RABGAP1L: variants seen among roughly 807,000 people sequenced by gnomAD.
RABGAP1L encodes rab GTPase-activating protein 1-like.
A neutral mutation model predicts 137.7 loss-of-function variants in RABGAP1L; 63 were observed. The ratio of observed to expected loss-of-function variants is 0.46; its 90% CI spans 0.37 to 0.56. The LOEUF is 0.56. RABGAP1L is among the 20% of genes least tolerant of loss of function. The probability of loss-of-function intolerance (pLI) is 0.00; values close to 1 mark genes in which losing one functional copy is unlikely to be tolerated. For synonymous variants in RABGAP1L, 431 were observed against 433.7 expected (o/e 0.99, Z 0.08); for missense variants, 1,095 against 1,244.0 (o/e 0.88, Z 1.80).
At chr1:174,322,303 T>C (rs957385266) in intron 11 of RABGAP1L, among the ~76,000 whole-genome samples, 1 of 152,122 alleles carries the variant, frequency 6.6e-6, no homozygotes, top group Non-Finnish European at 1.5e-5. Flanking sequence ...ACAGAAAACA[T>C]TTATTTTATG....
rs141229317 is a variant in RABGAP1L at position 174,652,089 on chromosome 1, G to T, written c.1824+14601G>T. The stretch of plus-strand genomic sequence containing the variant: ...GTAAAGTATTTTATTTCTCCTTCAC[G>T]TATGAAGCTTAGTTTGGCTGGATAT... On this transcript the variant is annotated intron_variant, in intron 14 of 25. Coordinates refer to ENST00000681986, the MANE Select transcript of RABGAP1L (RefSeq NM_001366446.1). Among the ~76,000 whole-genome samples the T allele has an allele frequency of 4.4e-3, 673 of 152,124 alleles. 4 individuals carry two copies. The highest frequency in any genetic ancestry group is 8.8e-3 in the Admixed American group (134 of 15,248).
intron 13 of RABGAP1L, among the ~76,000 whole-genome samples, chr1:174,550,505 A>C (rs1007671848): frequency 1.3e-5 from 2 of 152,272 alleles, no homozygotes; most frequent in South Asian, 4.1e-4. Flanking sequence ...TCAGCCAGCG[A>C]CTACTCTTGT....
rs552527109 is a variant in RABGAP1L, at chr1:174,252,645, C to T, written c.986+55C>T. 2.5e-6 allele frequency: 4 copies of T among 1,575,484 alleles called. No homozygotes were observed. In the East Asian group the frequency reaches 9.3e-5, roughly 37 times the overall value. ...AAACTTGTATTGACATTGTTACTGT[C>T]TCAGATGCATTGCTCAGTGTGGCTT... is the stretch of plus-strand genomic sequence containing the variant. On this transcript the variant is annotated intron_variant, in intron 7 of 25. Transcript: ENST00000681986.
chr1:174,401,232 G>A (rs868253504), intron 13 of RABGAP1L, among the ~76,000 whole-genome samples: 2 of 152,252 alleles, frequency 1.3e-5, no homozygotes, highest in Middle Eastern at 3.4e-3. Flanking sequence ...CCCTGGGTTC[G>A]AATCTCAAAT....
At chr1:174,598,234 A>T (rs1272964790) in intron 13 of RABGAP1L, among the ~76,000 whole-genome samples, 2 of 150,636 alleles carry the variant, frequency 1.3e-5, no homozygotes, top group African/African-American at 4.9e-5. Flanking sequence ...AGGCTGAGGC[A>T]GGGGAATCCC....
chr1:174,510,788 C>T (rs933415445), intron 13 of RABGAP1L, among the ~76,000 whole-genome samples: 1 of 152,082 alleles, frequency 6.6e-6, no homozygotes, highest in African/African-American at 2.4e-5. Context: ...CTGCATGTAA[C>T]AAAGAAATTT....
intron 13 of RABGAP1L, among the ~76,000 whole-genome samples, chr1:174,430,530 C>G (rs1422366809): frequency 1.3e-5 from 2 of 152,118 alleles, no homozygotes; most frequent in Non-Finnish European, 2.9e-5. Context: ...CTGGGCACAA[C>G]ATGTTGGCAG....
chr1:174,682,309 T>TAA (rs1678128364), intron 14 of RABGAP1L, among the ~76,000 whole-genome samples: 3 of 150,206 alleles, frequency 2.0e-5, no homozygotes, highest in African/African-American at 4.9e-5. Context: ...TACATACATA[T>TAA]ATATATATAC....
intron 19 of RABGAP1L, among the ~76,000 whole-genome samples, chr1:174,837,791 T>A (rs1246652137): frequency 6.6e-6 from 1 of 152,216 alleles, no homozygotes; most frequent in Non-Finnish European, 1.5e-5. Flanking sequence ...CTTTCCCATT[T>A]TATATGATGA....
At position 174,993,049 on chromosome 1, in the gene RABGAP1L, T is replaced by TC. The variant is rs1303393910; in HGVS notation, c.*3049dup. 2.6e-5 allele frequency: 4 copies of TC among 152,258 alleles called. No individual in the cohort carries two copies. Among genetic ancestry groups the TC allele is most frequent in the Non-Finnish European group, 4.4e-5 (3 of 68,042 alleles). 9.4% of individuals were successfully genotyped at this position (152,258 alleles called of 1,614,324 possible). A position where few individuals can be genotyped will look rare whatever the true frequency, so the allele number is the denominator to read the frequency against. On this transcript the variant is annotated 3_prime_UTR_variant, in exon 26 of 26. Transcript: ENST00000681986. ...ATGAAATTCAACTTCATAATTCAGT[T>TC]CATCAGCTTTTGTATCTTGAGAATC... is the stretch of plus-strand genomic sequence containing the variant.
At chr1:174,419,158 C>T (rs999162037) in intron 13 of RABGAP1L, among the ~76,000 whole-genome samples, 73 of 152,276 alleles carry the variant, frequency 4.8e-4, no homozygotes, top group African/African-American at 1.7e-3. Flanking sequence ...GGTTTATTTA[C>T]ATTCAGTTTT....
intron 13 of RABGAP1L, among the ~76,000 whole-genome samples, chr1:174,487,296 T>C (rs1050987542): frequency 2.2e-4 from 34 of 152,206 alleles, no homozygotes; most frequent in African/African-American, 7.5e-4. Flanking sequence ...GCTTTATATA[T>C]CTGAGTTTTC....
At chr1:174,574,680 C>T (rs1314501101) in intron 13 of RABGAP1L, among the ~76,000 whole-genome samples, 3 of 152,062 alleles carry the variant, frequency 2.0e-5, no homozygotes, top group African/African-American at 4.8e-5. Flanking sequence ...TTATTATGCA[C>T]GTTGATGTGG....
At chr1:174,803,899 C>A (rs1011585118) in intron 18 of RABGAP1L, among the ~76,000 whole-genome samples, 5 of 151,884 alleles carry the variant, frequency 3.3e-5, no homozygotes, top group Non-Finnish European at 7.4e-5. Flanking sequence ...ATGGCAAAAT[C>A]CCATCTCTCC....
At chr1:174,547,904 A>C in intron 13 of RABGAP1L, 1 of 1,549,688 alleles carries the variant, frequency 6.5e-7, no homozygotes, top group Non-Finnish European at 8.7e-7. Context: ...GGGTCTATGA[A>C]GGTCTCCATG....
At chr1:174,624,775 A>G (rs1394132771) in intron 13 of RABGAP1L, among the ~76,000 whole-genome samples, 1 of 149,908 alleles carries the variant, frequency 6.7e-6, no homozygotes, top group East Asian at 1.9e-4. Flanking sequence ...TGACTGTAAC[A>G]CTCTTTCTCT....
rs112663393 is a variant in RABGAP1L, at chr1:174,917,097, G to A, written c.2341-40360G>A. ...TTGGTTTCTCTTCCTCTTCTTGTAA[G>A]GACACTAATAATCATGGGGGCTCCA... On this transcript the variant is annotated intron_variant, in intron 19 of 25. Coordinates refer to ENST00000681986, the MANE Select transcript of RABGAP1L (RefSeq NM_001366446.1). 2.3e-3 allele frequency among the ~76,000 whole-genome samples: 355 copies of A among 152,118 alleles called. 1 individual carries two copies. Among genetic ancestry groups the A allele is most frequent in the African/African-American group, 7.9e-3 (327 of 41,498 alleles).
At chr1:174,328,885 A>G (rs1680777657) in intron 11 of RABGAP1L, among the ~76,000 whole-genome samples, 1 of 152,164 alleles carries the variant, frequency 6.6e-6, no homozygotes, top group Non-Finnish European at 1.5e-5. Context: ...CCATCATTAA[A>G]AAAGAAGAAA....
chr1:174,443,365 G>T (rs1162536855), intron 13 of RABGAP1L, among the ~76,000 whole-genome samples: 1 of 151,862 alleles, frequency 6.6e-6, no homozygotes, highest in African/African-American at 2.4e-5. Flanking sequence ...TGTTTTCTCT[G>T]CATCCTCACC....
Sources: gnomAD v4.1 joint callset for allele counts (sites outside exome capture counted in the v4.1 genomes callset) on GRCh38, gnomAD v4.1.1 for gene constraint, MANE v1.5 for transcripts, NCBI Gene and HGNC (gene_info 2026-07-23, HGNC 2026-07-21) for gene names.